ADGRL3: variants seen among roughly 807,000 people sequenced by gnomAD.
ADGRL3 encodes adhesion G protein-coupled receptor L3.
In ADGRL3, 62 loss-of-function variants were observed where a neutral mutation model predicts 153.5. The ratio of observed to expected loss-of-function variants is 0.40; its 90% confidence interval spans 0.33 to 0.50. The LOEUF (loss-of-function observed/expected upper bound fraction) is 0.50, where lower values mean the gene tolerates loss of function less well. ADGRL3 is among the 20% of genes least tolerant of loss of function. The pLI, the probability that ADGRL3 is intolerant of heterozygous loss-of-function variation, is 0.47. For synonymous variants in ADGRL3, 710 were observed against 672.5 expected (o/e 1.06, Z -0.86); for missense variants, 1,641 against 1,859.4 (o/e 0.88, Z 2.16).
chr4:61,887,588 T>C (rs1009993514), intron 9 of ADGRL3, among the ~76,000 whole-genome samples: 4 of 152,214 alleles, frequency 2.6e-5, no homozygotes, highest in Non-Finnish European at 5.9e-5. Flanking sequence ...GGCCCACACC[T>C]GTAATCCCAA....
intron 1 of ADGRL3, among the ~76,000 whole-genome samples, chr4:61,269,908 G>C (rs575872051): frequency 6.6e-6 from 1 of 151,678 alleles, no homozygotes; most frequent in South Asian, 2.1e-4. Flanking sequence ...TTCTTTTACA[G>C]ATAAAGAAAC....
chr4:61,494,469 C>T (rs1321648209), intron 2 of ADGRL3, among the ~76,000 whole-genome samples: 1 of 152,174 alleles, frequency 6.6e-6, no homozygotes, highest in Non-Finnish European at 1.5e-5. Context: ...CAATATCCCT[C>T]TTCAAGTAGC....
intron 2 of ADGRL3, among the ~76,000 whole-genome samples, chr4:61,485,029 A>C (rs2098174256): frequency 6.6e-6 from 1 of 152,206 alleles, no homozygotes; most frequent in African/African-American, 2.4e-5. Context: ...GTTACAGCAG[A>C]AATATTGCAT....
chr4:61,831,771 C>T (rs2097872823), intron 9 of ADGRL3, among the ~76,000 whole-genome samples: 1 of 152,104 alleles, frequency 6.6e-6, no homozygotes, highest in Admixed American at 6.6e-5. Flanking sequence ...GCTAAGGTGA[C>T]CTAGCATGGC....
intron 9 of ADGRL3, among the ~76,000 whole-genome samples, chr4:61,874,203 G>T (rs936263214): frequency 5.9e-5 from 9 of 152,276 alleles, no homozygotes; most frequent in Admixed American, 5.9e-4. Flanking sequence ...GACTGAGGAA[G>T]AATCTGTTTC....
intron 4 of ADGRL3, among the ~76,000 whole-genome samples, chr4:61,530,763 A>G (rs927774228): frequency 1.3e-5 from 2 of 152,198 alleles, no homozygotes; most frequent in Non-Finnish European, 2.9e-5. Flanking sequence ...TCACTCTTAT[A>G]GGTATATGGA....
At chr4:61,753,403 C>G (rs1355838967) in intron 8 of ADGRL3, among the ~76,000 whole-genome samples, 2 of 152,124 alleles carry the variant, frequency 1.3e-5, no homozygotes, top group South Asian at 2.1e-4. Context: ...GGCTTGTAGT[C>G]TGAATGCCTC....
At chr4:61,935,430 TAA>T (rs1237072407) in intron 14 of ADGRL3, among the ~76,000 whole-genome samples, 3 of 152,168 alleles carry the variant, frequency 2.0e-5, no homozygotes, top group African/African-American at 7.2e-5. Flanking sequence ...GTGAAAATGA[TAA>T]AACAGTGTTT....
At position 61,263,414 on chromosome 4, in the gene ADGRL3, A is replaced by T. The variant is rs543891066; in HGVS notation, c.-240+61649A>T. ...GTTTAACCCTTTCAGTATGAGCTGTAATTGAATGTAAATTGTAAAGCAGTT... is the reference window on the plus strand; with the variant it reads ...GTTTAACCCTTTCAGTATGAGCTGTTATTGAATGTAAATTGTAAAGCAGTT... On this transcript the variant is annotated intron_variant, in intron 1 of 26. Transcript: ENST00000683033. Among the ~76,000 whole-genome samples the T allele has an allele frequency of 3.5e-4, 53 of 151,228 alleles. 1 individual carries two copies. Among genetic ancestry groups the T allele is most frequent in the Admixed American group, 1.3e-3 (20 of 15,136 alleles).
intron 1 of ADGRL3, among the ~76,000 whole-genome samples, chr4:61,209,754 T>C (rs867252296): frequency 2.6e-5 from 4 of 152,300 alleles, no homozygotes; most frequent in Middle Eastern, 6.8e-3. Flanking sequence ...TGTCCGAAGA[T>C]TGACTTTAAA....
chr4:61,410,753 G>A (rs756054924), intron 2 of ADGRL3, among the ~76,000 whole-genome samples: 33 of 152,150 alleles, frequency 2.2e-4, no homozygotes, highest in African/African-American at 7.0e-4. Context: ...ATACACTATC[G>A]TGCAGGCTGC....
chr4:61,956,995 C>T (rs1395476812), intron 17 of ADGRL3, among the ~76,000 whole-genome samples: 2 of 152,002 alleles, frequency 1.3e-5, no homozygotes, highest in Non-Finnish European at 2.9e-5. Context: ...ATTCTTCTTG[C>T]TTAGGATTGT....
intron 6 of ADGRL3, among the ~76,000 whole-genome samples, chr4:61,701,131 C>T (rs766679524): frequency 1.3e-4 from 19 of 151,894 alleles, no homozygotes; most frequent in Non-Finnish European, 2.5e-4. Flanking sequence ...AGGTAGAGAA[C>T]AAAAAGTTGT....
chr4:62,046,149 A>G (rs1029383013), intron 25 of ADGRL3, among the ~76,000 whole-genome samples: 1 of 151,864 alleles, frequency 6.6e-6, no homozygotes, highest in Non-Finnish European at 1.5e-5. Flanking sequence ...GTCCTTACCT[A>G]TAGGATTTAT....
intron 2 of ADGRL3, among the ~76,000 whole-genome samples, chr4:61,417,853 G>T (rs1199200899): frequency 6.6e-6 from 1 of 152,068 alleles, no homozygotes; most frequent in Non-Finnish European, 1.5e-5. Context: ...AGGTTAAAGG[G>T]ATTAAACTGA....
chr4:61,207,669 T>G (rs1331055722), intron 1 of ADGRL3, among the ~76,000 whole-genome samples: 1 of 152,204 alleles, frequency 6.6e-6, no homozygotes, highest in East Asian at 1.9e-4. Flanking sequence ...CTACCAACAG[T>G]GTAAAAGCAT....
At chr4:61,219,927 G>A (rs1744625658) in intron 1 of ADGRL3, among the ~76,000 whole-genome samples, 1 of 151,918 alleles carries the variant, frequency 6.6e-6, no homozygotes, top group Non-Finnish European at 1.5e-5. Flanking sequence ...GGACAACATG[G>A]TGAAACCCCG....
intron 21 of ADGRL3, among the ~76,000 whole-genome samples, chr4:62,012,213 T>A (rs1468624756): frequency 1.3e-5 from 2 of 152,152 alleles, no homozygotes; most frequent in East Asian, 3.9e-4. Flanking sequence ...CACTGTATTT[T>A]GAGTCACATA....
intron 2 of ADGRL3, among the ~76,000 whole-genome samples, chr4:61,393,965 A>C (rs2096841863): frequency 6.6e-6 from 1 of 152,130 alleles, no homozygotes; most frequent in African/African-American, 2.4e-5. Flanking sequence ...CTGTATGATA[A>C]TATGACAAGT....
Sources: gnomAD v4.1 joint callset for allele counts (sites outside exome capture counted in the v4.1 genomes callset) on GRCh38, gnomAD v4.1.1 for gene constraint, MANE v1.5 for transcripts, NCBI Gene and HGNC (gene_info 2026-07-23, HGNC 2026-07-21) for gene names.